NPAT: variants seen among roughly 807,000 people sequenced by gnomAD.
NPAT encodes nuclear protein, coactivator of histone transcription, also known as protein NPAT.
Under a neutral mutation model 130.7 loss-of-function variants are expected in NPAT, and 52 were observed. The ratio of observed to expected loss-of-function variants is 0.40; its 90% CI spans 0.32 to 0.50. The LOEUF is 0.50. Among genes scored for constraint, NPAT ranks in the 20% least tolerant of loss-of-function variants. The pLI, the probability that NPAT is intolerant of heterozygous loss-of-function variation, is 0.68. For synonymous variants in NPAT, 580 were observed against 584.8 expected (o/e 0.99, Z 0.12); for missense variants, 1,687 against 1,662.6 (o/e 1.01, Z -0.26).
chr11:108,217,454 T>C (rs1286415308), intron 1 of NPAT, among the ~76,000 whole-genome samples: 3 of 152,206 alleles, frequency 2.0e-5, no homozygotes, highest in Non-Finnish European at 1.5e-5. Context: ...CTTGTATATA[T>C]CAGTTAGCCT....
chr11:108,221,933 CT>C (rs1410396507), intron 1 of NPAT, among the ~76,000 whole-genome samples: 1 of 152,200 alleles, frequency 6.6e-6, no homozygotes, highest in Non-Finnish European at 1.5e-5. Context: ...ACAGGAATTG[CT>C]GTTTTAAAAT....
At chr11:108,186,023 G>GT (rs932172814) in intron 8 of NPAT, among the ~76,000 whole-genome samples, 189 of 145,212 alleles carry the variant, frequency 1.3e-3, no homozygotes, top group African/African-American at 1.1e-3. Context: ...TCGCCGGCCA[G>GT]TTTTTTTTTT....
rs538837291 is a variant in NPAT at position 108,214,205 on chromosome 11, A to G, written c.37+8295T>C. ...CCATTACAGCTGGCCTGCATTTTTCATAACAGTGTCCATTAATGAATGGAC... is the reference window on the plus strand; with the variant it reads ...CCATTACAGCTGGCCTGCATTTTTCGTAACAGTGTCCATTAATGAATGGAC... On this transcript the variant is annotated intron_variant, in intron 1 of 17. Transcript: ENST00000278612. 7.2e-5 allele frequency among the ~76,000 whole-genome samples: 11 copies of G among 152,310 alleles called. No individual in the cohort carries two copies. In the South Asian group the frequency reaches 1.7e-3, roughly 23 times the overall value.
chr11:108,210,359 G>T (rs117653748), intron 1 of NPAT, among the ~76,000 whole-genome samples: 1 of 152,234 alleles, frequency 6.6e-6, no homozygotes, highest in Non-Finnish European at 1.5e-5. Context: ...CTCATGCCCT[G>T]GTGCTATCCT....
chr11:108,190,393 T>C (rs1411297852), intron 5 of NPAT, 67 bp downstream of exon 5: 2 of 1,198,872 alleles, frequency 1.7e-6, no homozygotes, highest in East Asian at 2.3e-5. Context: ...GTACAATGAA[T>C]TAAAATGTTC....
chr11:108,220,500 C>T (rs2078473311), intron 1 of NPAT, among the ~76,000 whole-genome samples: 1 of 151,948 alleles, frequency 6.6e-6, no homozygotes, highest in African/African-American at 2.4e-5. Context: ...CTATGTTCAG[C>T]AATTGGCACA....
chr11:108,195,172 T>C (rs1291934996), intron 2 of NPAT, among the ~76,000 whole-genome samples: 1 of 152,212 alleles, frequency 6.6e-6, no homozygotes, highest in Non-Finnish European at 1.5e-5. Context: ...TAGGTTTTTC[T>C]GTGAGAACAA....
chr11:108,172,553 C>T lies in NPAT; in HGVS notation c.2431G>A (p.Glu811Lys). Residue 811 changes from glutamate (E) to lysine (K), a missense_variant, in exon 13 of 18, where the codon GAA (glutamate) becomes AAA (lysine). Glu to Lys is a moderately conservative substitution (Grantham distance 56). Coordinates refer to ENST00000278612, the MANE Select transcript of NPAT (RefSeq NM_002519.3). ...GATTTGAATGTTAAAAGACTCTGTTCCATTGAGGCTGAATCCCCTACTTCG... is the reference window on the plus strand; with the variant it reads ...GATTTGAATGTTAAAAGACTCTGTTTCATTGAGGCTGAATCCCCTACTTCG... ...YAEVGDSASM[E>K]QSLLTFKSED... is the part of the protein sequence containing the mutation. 1 of 1,614,098 alleles carries T rather than the reference C, an allele frequency of 6.2e-7. No individual in the cohort carries two copies. The highest frequency in any genetic ancestry group is 8.5e-7 in the Non-Finnish European group (1 of 1,180,004).
intron 1 of NPAT, among the ~76,000 whole-genome samples, chr11:108,212,246 C>A (rs768777839): frequency 4.6e-5 from 7 of 151,982 alleles, no homozygotes; most frequent in African/African-American, 1.5e-4. Context: ...GCATCCAGGC[C>A]GGGTGCAGTG....
chr11:108,214,800 T>C (rs1467896936), intron 1 of NPAT, among the ~76,000 whole-genome samples: 1 of 152,058 alleles, frequency 6.6e-6, no homozygotes, highest in Non-Finnish European at 1.5e-5. Flanking sequence ...GCCTGGCTAA[T>C]TTTTATATTT....
At chr11:108,174,666 T>G (rs1284564761) in intron 12 of NPAT, among the ~76,000 whole-genome samples, 1 of 146,048 alleles carries the variant, frequency 6.8e-6, no homozygotes, top group African/African-American at 2.6e-5. Flanking sequence ...CAGGCTGGAG[T>G]GCAGCGGTGC....
intron 15 of NPAT, among the ~76,000 whole-genome samples, chr11:108,165,756 C>T (rs190301351): frequency 0.011 from 1,663 of 151,984 alleles, 37 homozygotes; most frequent in African/African-American, 0.038. Context: ...GCTTTAGTCT[C>T]CCGAATAGCT....
chr11:108,181,955 G>A (rs1440168489), intron 10 of NPAT, among the ~76,000 whole-genome samples: 1 of 152,188 alleles, frequency 6.6e-6, no homozygotes, highest in Non-Finnish European at 1.5e-5. Context: ...CAAGTAGTGT[G>A]ATGGCTTTTC....
chr11:108,188,185 T>C lies in NPAT; in HGVS notation c.557-6A>G, dbSNP rs773741038. 6.2e-7 allele frequency: 1 copy of C among 1,611,474 alleles called. No homozygotes were observed. Among genetic ancestry groups the C allele is most frequent in the Non-Finnish European group, 8.5e-7 (1 of 1,177,720 alleles). On this transcript the variant is annotated splice_polypyrimidine_tract_variant and splice_region_variant and intron_variant, in intron 6 of 17. Transcript: ENST00000278612. ...GACATTTAAAGCTTCTCCAGCTGTATTTCAAGAAAACATAACAGTAAGCCA... is the reference window on the plus strand; with the variant it reads ...GACATTTAAAGCTTCTCCAGCTGTACTTCAAGAAAACATAACAGTAAGCCA...
intron 10 of NPAT, among the ~76,000 whole-genome samples, chr11:108,178,655 C>T (rs1239802032): frequency 1.3e-5 from 2 of 152,036 alleles, no homozygotes; most frequent in Non-Finnish European, 1.5e-5. Context: ...GTCAGGAGTT[C>T]GAGACCCGCC....
At chr11:108,204,615 G>C (rs191530972) in intron 1 of NPAT, among the ~76,000 whole-genome samples, 2 of 152,238 alleles carry the variant, frequency 1.3e-5, no homozygotes, top group Non-Finnish European at 2.9e-5. Context: ...TAGCCCTCCT[G>C]CCTTCTGCCA....
chr11:108,169,546 C>G (rs542142632), intron 15 of NPAT, among the ~76,000 whole-genome samples, 198 bp downstream of exon 15: 1 of 152,136 alleles, frequency 6.6e-6, no homozygotes, highest in South Asian at 2.1e-4. Flanking sequence ...CTAACAGATT[C>G]AACAAAGGAG....
At chr11:108,195,244 TATAATCATGTC>T (rs532829216) in intron 2 of NPAT, among the ~76,000 whole-genome samples, 117 of 152,358 alleles carry the variant, frequency 7.7e-4, no homozygotes, top group African/African-American at 2.2e-3. Flanking sequence ...TGCATAATCA[TATAATCATGTC>T]ATAATCATGT....
At chr11:108,171,472 A>T (rs1156568400) in intron 13 of NPAT, 1 of 150,924 alleles carries the variant, frequency 6.6e-6, no homozygotes, top group Non-Finnish European at 1.5e-5. Flanking sequence ...GATTTTATAA[A>T]GGAAGAAATT....
Sources: gnomAD v4.1 joint callset for allele counts (sites outside exome capture counted in the v4.1 genomes callset) on GRCh38, gnomAD v4.1.1 for gene constraint, MANE v1.5 for transcripts, NCBI Gene and HGNC (gene_info 2026-07-23, HGNC 2026-07-21) for gene names.